Variants in MLLT3 observed in about 807,000 individuals in gnomAD.
MLLT3 encodes MLLT3 super elongation complex subunit.
Under a neutral mutation model 53.2 loss-of-function variants are expected in MLLT3, and 4 were observed. The observed-to-expected ratio is 0.08, with a 90% confidence interval of 0.04 to 0.17. MLLT3 has a LOEUF of 0.17. MLLT3 is among the 10% of genes least tolerant of loss of function. The pLI is 1.00. For synonymous variants in MLLT3, 283 were observed against 230.6 expected (o/e 1.23, Z -2.06); for missense variants, 569 against 684.0 (o/e 0.83, Z 1.87).
At chr9:20,549,427 G>A (rs891239267) in intron 2 of MLLT3, among the ~76,000 whole-genome samples, 2 of 152,106 alleles carry the variant, frequency 1.3e-5, no homozygotes, top group Admixed American at 1.3e-4. Flanking sequence ...AATAATATTA[G>A]TAGTAATAAT....
rs959035481 is a variant in MLLT3, at chr9:20,534,722, T to C, written c.194-77936A>G. 4.6e-5 allele frequency among the ~76,000 whole-genome samples: 7 copies of C among 151,964 alleles called. No individual in the cohort carries two copies. The East Asian group carries it at 9.7e-4, about 21-fold the overall frequency. ...TAACACAGTGAAACCCTGTCTCTAC[T>C]AAAAATACAAAAAATTAGCTGGGCG... On this transcript the variant is annotated intron_variant, in intron 2 of 10. Transcript: ENST00000380338.
At chr9:20,398,086 C>T (rs946057692) in intron 5 of MLLT3, among the ~76,000 whole-genome samples, 2 of 152,002 alleles carry the variant, frequency 1.3e-5, no homozygotes, top group Non-Finnish European at 2.9e-5. Flanking sequence ...TCTGCATATA[C>T]AATGAATATT....
Position 20,345,328 on chromosome 9 carries a change from G to C in MLLT3, c.*1115C>G, listed in dbSNP as rs367620600. On this transcript the variant is annotated 3_prime_UTR_variant, in exon 11 of 11. Coordinates refer to ENST00000380338, the MANE Select transcript of MLLT3 (RefSeq NM_004529.4). ...TTTTAATTTTTTCAAATATAAAAGTGTCTAAGAGAATCATATGTGAACAAA... is the reference window on the plus strand; with the variant it reads ...TTTTAATTTTTTCAAATATAAAAGTCTCTAAGAGAATCATATGTGAACAAA... The C allele has an allele frequency of 2.2e-4, 46 of 211,134 alleles. No individual in the cohort carries two copies. The highest frequency in any genetic ancestry group is 1.0e-3 in the African/African-American group (46 of 44,230). The allele number at this position is 211,134 out of a possible 1,614,324, so 13.1% of individuals were successfully genotyped here.
chr9:20,403,072 G>A (rs1306497704), intron 5 of MLLT3, among the ~76,000 whole-genome samples: 1 of 151,628 alleles, frequency 6.6e-6, no homozygotes, highest in Non-Finnish European at 1.5e-5. Context: ...GGAAATGATC[G>A]ATAATGGCAT....
chr9:20,404,308 C>G (rs1005585385), intron 5 of MLLT3, among the ~76,000 whole-genome samples: 5 of 152,168 alleles, frequency 3.3e-5, no homozygotes, highest in Non-Finnish European at 7.4e-5. Flanking sequence ...CCAATCTTTA[C>G]AAGAACCCCT....
rs546946452 is a variant in MLLT3, at chr9:20,356,290, C to T, written c.1432-1411G>A. On this transcript the variant is annotated intron_variant, in intron 8 of 10. Coordinates refer to ENST00000380338, the MANE Select transcript of MLLT3 (RefSeq NM_004529.4). Reference sequence around the variant, plus strand: ...GAAGATAACCAAATGACTAATTTGACCAGGCTAACTTAAAATACAATACTT... The same window carrying T: ...GAAGATAACCAAATGACTAATTTGATCAGGCTAACTTAAAATACAATACTT... Among the ~76,000 whole-genome samples the T allele has an allele frequency of 2.3e-4, 35 of 152,116 alleles. No individual in the cohort carries two copies. The South Asian group carries it at 2.9e-3, about 13-fold the overall frequency.
At chr9:20,363,797 TA>T (rs902637938) in intron 6 of MLLT3, among the ~76,000 whole-genome samples, 192 bp from the exon 7 acceptor site, 1 of 152,242 alleles carries the variant, frequency 6.6e-6, no homozygotes, top group African/African-American at 2.4e-5. Flanking sequence ...ATTGTTTTCA[TA>T]ATGGATTCCC....
chr9:20,465,389 C>A (rs763743435), intron 2 of MLLT3, among the ~76,000 whole-genome samples: 2 of 152,036 alleles, frequency 1.3e-5, no homozygotes, highest in African/African-American at 4.8e-5. Context: ...CTTTTAAATA[C>A]GCTACACCCA....
intron 2 of MLLT3, among the ~76,000 whole-genome samples, chr9:20,565,378 G>A (rs1182605782): frequency 2.0e-5 from 3 of 152,066 alleles, no homozygotes; most frequent in African/African-American, 4.8e-5. Context: ...TTGGTGGGGT[G>A]CGCACACTGC....
intron 4 of MLLT3, among the ~76,000 whole-genome samples, chr9:20,424,991 G>A (rs1228903001): frequency 1.3e-5 from 2 of 152,158 alleles, no homozygotes; most frequent in Non-Finnish European, 2.9e-5. Context: ...ACCACCACTA[G>A]TGCAGACAAG....
At chr9:20,442,708 C>A (rs188672383) in intron 4 of MLLT3, among the ~76,000 whole-genome samples, 2 of 152,074 alleles carry the variant, frequency 1.3e-5, no homozygotes, top group African/African-American at 4.8e-5. Flanking sequence ...TAAGCAAAAC[C>A]CCTCGCTGGA....
intron 2 of MLLT3, among the ~76,000 whole-genome samples, chr9:20,510,549 T>C (rs976022721): frequency 2.0e-5 from 3 of 147,922 alleles, no homozygotes; most frequent in Non-Finnish European, 1.5e-5. Context: ...GAGGCAGAGG[T>C]TGCAGTGAGC....
chr9:20,591,593 T>C (rs1032012691), intron 2 of MLLT3, among the ~76,000 whole-genome samples: 6 of 152,164 alleles, frequency 3.9e-5, no homozygotes, highest in Middle Eastern at 3.2e-3. Context: ...GGCAGAGTTA[T>C]AGAATATCGC....
chr9:20,420,466 C>A (rs1433583191), intron 4 of MLLT3, among the ~76,000 whole-genome samples: 2 of 152,080 alleles, frequency 1.3e-5, no homozygotes, highest in Non-Finnish European at 2.9e-5. Context: ...AATATCAGAT[C>A]ATGTGGAATT....
Position 20,546,580 on chromosome 9 carries a change from G to A in MLLT3, c.193+74074C>T, listed in dbSNP as rs144286122. On this transcript the variant is annotated intron_variant, in intron 2 of 10. Transcript: ENST00000380338. ...AAAAAAAATCTACTGTATGGTAGAC[G>A]AACCTGTGTATGGTAGACACACCTG... Among the ~76,000 whole-genome samples, 8 of 151,294 alleles carry A rather than the reference G, an allele frequency of 5.3e-5. No homozygotes were observed. The East Asian group carries it at 1.5e-3, about 29-fold the overall frequency.
chr9:20,429,121 T>C (rs899124443), intron 4 of MLLT3, among the ~76,000 whole-genome samples: 2 of 152,130 alleles, frequency 1.3e-5, no homozygotes, highest in Non-Finnish European at 2.9e-5. Flanking sequence ...CCTGTGGTTT[T>C]AGGAGGCCAA....
At chr9:20,506,197 G>A (rs1036482304) in intron 2 of MLLT3, among the ~76,000 whole-genome samples, 1 of 152,020 alleles carries the variant, frequency 6.6e-6, no homozygotes, top group African/African-American at 2.4e-5. Context: ...TGGGATTACA[G>A]GTGCACACCA....
intron 2 of MLLT3, among the ~76,000 whole-genome samples, chr9:20,457,271 G>A (rs529740929): frequency 1.6e-5 from 2 of 122,710 alleles, no homozygotes; most frequent in East Asian, 2.2e-4. Context: ...TTTTTGAGAC[G>A]GAGTTTCACT....
chr9:20,358,804 C>T (rs1312317652), intron 8 of MLLT3, among the ~76,000 whole-genome samples: 2 of 152,124 alleles, frequency 1.3e-5, no homozygotes, highest in Non-Finnish European at 2.9e-5. Context: ...CGTATTGTAG[C>T]TCTCATATAC....
Sources: gnomAD v4.1 joint callset for allele counts (sites outside exome capture counted in the v4.1 genomes callset) on GRCh38, gnomAD v4.1.1 for gene constraint, MANE v1.5 for transcripts, NCBI Gene and HGNC (gene_info 2026-07-23, HGNC 2026-07-21) for gene names.